The following HMGCLL1 variants were observed in gnomAD, a reference collection of about 807,000 sequenced individuals.
HMGCLL1 encodes the protein 3-hydroxy-3-methylglutaryl-CoA lyase like 1, also known as 3-hydroxymethyl-3-methylglutaryl-CoA lyase, cytoplasmic.
HMGCLL1 carries 36 observed loss-of-function variants against 39.1 expected under a neutral mutation model. The ratio of observed to expected loss-of-function variants is 0.92; its 90% CI spans 0.71 to 1.22. HMGCLL1 has a LOEUF of 1.22. Ranked by LOEUF, HMGCLL1 falls within the 50% of genes most tolerant of loss-of-function variation. The pLI is 0.00. For missense variants in HMGCLL1, 451 were observed against 416.5 expected (o/e 1.08, Z -0.72); for synonymous variants, 149 against 144.0 (o/e 1.03, Z -0.25).
chr6:55,493,423 A>G (rs905691273), intron 7 of HMGCLL1, among the ~76,000 whole-genome samples: 9 of 152,136 alleles, frequency 5.9e-5, no homozygotes, highest in African/African-American at 2.2e-4. Context: ...GCTTCGGCCC[A>G]ACGTTGTTTC....
chr6:55,545,062 T>C (rs550365660), intron 1 of HMGCLL1, among the ~76,000 whole-genome samples: 2 of 152,136 alleles, frequency 1.3e-5, no homozygotes, highest in East Asian at 3.9e-4. Flanking sequence ...TAGTCTTCAG[T>C]TGGCAGGAAT....
the HMGCLL1 span, among the ~76,000 whole-genome samples, chr6:55,636,982 ATTAC>A: frequency 1.3e-5 from 2 of 152,152 alleles, no homozygotes; most frequent in African/African-American, 4.8e-5. Context: ...TGATAATAAA[ATTAC>A]TTCCTCCACA....
At chr6:55,626,551 A>G in the HMGCLL1 span, among the ~76,000 whole-genome samples, 1 of 152,152 alleles carries the variant, frequency 6.6e-6, no homozygotes, top group Admixed American at 6.5e-5. Context: ...CATCCAATAT[A>G]TGGTTCTGTT....
rs562334206 is a variant in HMGCLL1 at position 55,479,113 on chromosome 6, G to A, written c.795+16306C>T. Among the ~76,000 whole-genome samples, 36 of 151,494 alleles carry A rather than the reference G, an allele frequency of 2.4e-4. 2 individuals carry two copies. The highest frequency in any genetic ancestry group is 7.6e-4 in the African/African-American group (31 of 40,978). ...CTCTCATCACCTAGTTGACACTTGC[G>A]TTTTGCAGCTGAAAAGAATGAGTTT... On this transcript the variant is annotated intron_variant, in intron 7 of 8. Transcript: ENST00000274901.
At chr6:55,528,789 T>G (rs561809998) in intron 3 of HMGCLL1, among the ~76,000 whole-genome samples, 6 of 152,056 alleles carry the variant, frequency 3.9e-5, no homozygotes, top group Admixed American at 2.6e-4. Flanking sequence ...AGCATTACCT[T>G]TGTGTACTAA....
chr6:55,635,741 A>G, the HMGCLL1 span, among the ~76,000 whole-genome samples: 1 of 152,196 alleles, frequency 6.6e-6, no homozygotes, highest in African/African-American at 2.4e-5. Context: ...GAAAGAGTAA[A>G]GAGAGCTCAA....
chr6:55,510,138 C>T (rs968386013), intron 5 of HMGCLL1, among the ~76,000 whole-genome samples: 2 of 151,800 alleles, frequency 1.3e-5, no homozygotes, highest in African/African-American at 4.8e-5. Flanking sequence ...TTTTGTGTGG[C>T]TCCTAGGAAA....
At chr6:55,627,411 G>A in the HMGCLL1 span, among the ~76,000 whole-genome samples, 6 of 151,896 alleles carry the variant, frequency 4.0e-5, no homozygotes, top group South Asian at 2.1e-4. Flanking sequence ...ATTACATTAG[G>A]CGTAATTATA....
chr6:55,624,343 C>T, the HMGCLL1 span, among the ~76,000 whole-genome samples: 2 of 152,146 alleles, frequency 1.3e-5, no homozygotes, highest in East Asian at 3.9e-4. Flanking sequence ...GATGTGGTTT[C>T]ATTGCTTGAG....
At chr6:55,678,253 C>T in the HMGCLL1 span, among the ~76,000 whole-genome samples, 5 of 152,156 alleles carry the variant, frequency 3.3e-5, no homozygotes, top group African/African-American at 9.7e-5. Flanking sequence ...TCTATCTTTG[C>T]CTTTCTCCTC....
chr6:55,469,044 T>C (rs1206313620), intron 7 of HMGCLL1, among the ~76,000 whole-genome samples: 3 of 151,750 alleles, frequency 2.0e-5, no homozygotes, highest in Non-Finnish European at 4.4e-5. Flanking sequence ...CTTTCTTCAC[T>C]AATTAGTTTT....
chr6:55,501,222 T>A (rs1014083090), intron 5 of HMGCLL1, among the ~76,000 whole-genome samples: 1 of 151,902 alleles, frequency 6.6e-6, no homozygotes, highest in Admixed American at 6.6e-5. Flanking sequence ...GGTTCTCAGC[T>A]ATGTTCCCTT....
At chr6:55,535,298 C>G (rs1022274649) in intron 3 of HMGCLL1, among the ~76,000 whole-genome samples, 1 of 152,166 alleles carries the variant, frequency 6.6e-6, no homozygotes, top group Non-Finnish European at 1.5e-5. Flanking sequence ...GGAAGCAACA[C>G]TAGTGTGCAT....
At chr6:55,609,063 T>C in the HMGCLL1 span, among the ~76,000 whole-genome samples, 1 of 152,172 alleles carries the variant, frequency 6.6e-6, no homozygotes, top group East Asian at 1.9e-4. Context: ...AACCCACGGA[T>C]CGAAAGATCC....
At chr6:55,514,018 A>T in intron 5 of HMGCLL1, 30 bp downstream of exon 5, 1 of 1,600,400 alleles carries the variant, frequency 6.2e-7, no homozygotes, top group Non-Finnish European at 8.5e-7. Flanking sequence ...AAACATTAAC[A>T]AAACAGAATT....
intron 8 of HMGCLL1, 94 bp from the exon 9 acceptor site, chr6:55,435,857 A>G (rs1329260022): frequency 9.1e-6 from 5 of 546,820 alleles, no homozygotes; most frequent in Admixed American, 3.6e-5. Context: ...TAGTTACTTA[A>G]CCATTTAAAA....
chr6:55,577,294 C>T, intron 1 of HMGCLL1: 1 of 1,296,236 alleles, frequency 7.7e-7, no homozygotes, highest in Non-Finnish European at 1.0e-6. Flanking sequence ...TTTAAAAATT[C>T]CCGAGAACAC....
intron 5 of HMGCLL1, chr6:55,513,437 AC>A (rs1182501544): frequency 1.3e-5 from 2 of 152,158 alleles, no homozygotes; most frequent in Non-Finnish European, 2.9e-5. Context: ...ATAGTAGAGA[AC>A]TGAAAGTTTA....
intron 3 of HMGCLL1, among the ~76,000 whole-genome samples, chr6:55,535,259 C>A (rs2127451711): frequency 6.6e-6 from 1 of 152,266 alleles, no homozygotes; most frequent in Non-Finnish European, 1.5e-5. Context: ...TATTTAGAAA[C>A]AGAAAATGAA....
Sources: gnomAD v4.1 joint callset for allele counts (sites outside exome capture counted in the v4.1 genomes callset) on GRCh38, gnomAD v4.1.1 for gene constraint, MANE v1.5 for transcripts, NCBI Gene and HGNC (gene_info 2026-07-23, HGNC 2026-07-21) for gene names.